The following RGS6 variants were observed in gnomAD, a reference collection of about 807,000 sequenced individuals.
RGS6 encodes regulator of G-protein signaling 6.
In RGS6, 30 loss-of-function variants were observed where a neutral mutation model predicts 78.5. The ratio of observed to expected loss-of-function variants is 0.38; its 90% CI spans 0.29 to 0.52. The LOEUF (loss-of-function observed/expected upper bound fraction) is 0.52. RGS6 is among the 20% of genes least tolerant of loss of function. The pLI, the probability that RGS6 is intolerant of heterozygous loss-of-function variation, is 0.85. For synonymous variants in RGS6, 206 were observed against 206.0 expected (o/e 1.00, Z 0.00); for missense variants, 495 against 609.7 (o/e 0.81, Z 1.98).
At chr14:72,244,355 C>G (rs1808511341) in intron 2 of RGS6, among the ~76,000 whole-genome samples, 1 of 151,778 alleles carries the variant, frequency 6.6e-6, no homozygotes, top group African/African-American at 2.4e-5. Context: ...GAACAGCCCA[C>G]ACTTTCTACT....
At chr14:71,913,617 C>T in the RGS6 span, among the ~76,000 whole-genome samples, 1 of 152,210 alleles carries the variant, frequency 6.6e-6, no homozygotes, top group South Asian at 2.1e-4. Flanking sequence ...ACATGCAACC[C>T]ACTCTGTTCT....
chr14:72,363,403 T>C lies in RGS6; in HGVS notation c.184+11209T>C, dbSNP rs370993812. On this transcript the variant is annotated intron_variant, in intron 3 of 17. Transcript: ENST00000553525. ...ACAGCCACGCATCATTAAATACTTATAAAAACCCCATGAGATAGAAACCGT... is the reference window on the plus strand; with the variant it reads ...ACAGCCACGCATCATTAAATACTTACAAAAACCCCATGAGATAGAAACCGT... 3.5e-4 allele frequency among the ~76,000 whole-genome samples: 53 copies of C among 152,340 alleles called. No individual in the cohort carries two copies. In the South Asian group the frequency reaches 0.01, roughly 29 times the overall value.
rs754555289 is a variant in RGS6, at chr14:72,173,373, A to G, written c.85-178722A>G. ...TAGACTTTCCCGAGTGGGCATGGAA[A>G]GGTAAACTCAACTCCCTTTCTGCAC... On this transcript the variant is annotated intron_variant, in intron 2 of 17. Coordinates refer to ENST00000553525, the MANE Select transcript of RGS6 (RefSeq NM_001204424.2). Among the ~76,000 whole-genome samples the G allele has an allele frequency of 2.6e-5, 4 of 152,176 alleles. No homozygotes were observed. In the East Asian group the frequency reaches 7.7e-4, roughly 29 times the overall value.
intron 2 of RGS6, among the ~76,000 whole-genome samples, chr14:72,068,139 T>G (rs1304864840): frequency 7.2e-6 from 1 of 139,328 alleles, no homozygotes; most frequent in Non-Finnish European, 1.6e-5. Context: ...ATGTATGTAT[T>G]TTTTTTTTTT....
chr14:72,578,720 A>C, the RGS6 span, among the ~76,000 whole-genome samples: 1 of 152,240 alleles, frequency 6.6e-6, no homozygotes, highest in Non-Finnish European at 1.5e-5. Flanking sequence ...GAAAAGTGCC[A>C]AAGTAAAAGG....
intron 13 of RGS6, among the ~76,000 whole-genome samples, chr14:72,503,214 G>A (rs1418245898): frequency 6.6e-6 from 1 of 152,010 alleles, no homozygotes; most frequent in East Asian, 1.9e-4. Context: ...CCTCCCAAAG[G>A]CTTCACCTCC....
At chr14:72,254,033 G>A (rs181778923) in intron 2 of RGS6, among the ~76,000 whole-genome samples, 4 of 152,260 alleles carry the variant, frequency 2.6e-5, no homozygotes, top group South Asian at 4.2e-4. Context: ...TTTACTTAAC[G>A]ATGATGTTTT....
At chr14:72,112,620 AT>A (rs1481758830) in intron 2 of RGS6, among the ~76,000 whole-genome samples, 3 of 152,220 alleles carry the variant, frequency 2.0e-5, no homozygotes, top group Non-Finnish European at 4.4e-5. Flanking sequence ...TGAACTAATC[AT>A]TTTACAGGCA....
At chr14:71,894,644 GT>G in the RGS6 span, among the ~76,000 whole-genome samples, 1 of 152,102 alleles carries the variant, frequency 6.6e-6, no homozygotes, top group African/African-American at 2.4e-5. Flanking sequence ...CCCCTTTCCT[GT>G]GACAAGATCA....
intron 4 of RGS6, 107 bp from the exon 5 acceptor site, chr14:72,458,164 C>T (rs1251071647): frequency 2.4e-6 from 2 of 822,568 alleles, no homozygotes; most frequent in African/African-American, 3.4e-5. Flanking sequence ...GTATCATCAA[C>T]ACAGACATCT....
intron 1 of RGS6, among the ~76,000 whole-genome samples, chr14:71,948,710 G>GCTAAGCTGAT (rs1189142953): frequency 1.5e-5 from 2 of 135,756 alleles, no homozygotes; most frequent in Non-Finnish European, 3.1e-5. Flanking sequence ...ATTGGTAACT[G>GCTAAGCTGAT]CTAAGCTGAT....
rs1034566888 is a variant in RGS6, at chr14:71,932,443, G to C, written c.-519G>C. ...GCCGCGGAGCTGAACGGCTTCGCGA[G>C]TTGGGGCAGCTCCTCGCGCTCGGCC... is the stretch of plus-strand genomic sequence containing the variant. On this transcript the variant is annotated 5_prime_UTR_variant, in exon 1 of 18. Coordinates refer to ENST00000553525, the MANE Select transcript of RGS6 (RefSeq NM_001204424.2). 2 of 151,628 alleles carry C rather than the reference G, an allele frequency of 1.3e-5. No homozygotes were observed. Among genetic ancestry groups the C allele is most frequent in the African/African-American group, 4.8e-5 (2 of 41,380 alleles). The allele number at this position is 151,628 out of a possible 1,614,324, so 9.4% of individuals were successfully genotyped here.
intron 2 of RGS6, among the ~76,000 whole-genome samples, chr14:71,969,865 G>A (rs947666234): frequency 5.9e-5 from 9 of 152,066 alleles, no homozygotes; most frequent in Non-Finnish European, 1.2e-4. Flanking sequence ...TTGATCTTTC[G>A]TAAATTAGTA....
intron 2 of RGS6, among the ~76,000 whole-genome samples, chr14:72,341,538 G>A (rs1278298132): frequency 6.6e-6 from 1 of 152,204 alleles, no homozygotes; most frequent in East Asian, 1.9e-4. Flanking sequence ...CAAGGATTTG[G>A]ATGTGTTTGT....
intron 3 of RGS6, among the ~76,000 whole-genome samples, chr14:72,410,212 C>T (rs2093302758): frequency 6.6e-6 from 1 of 152,200 alleles, no homozygotes; most frequent in South Asian, 2.1e-4. Flanking sequence ...TCTCCACATC[C>T]TCTCCAGCAC....
At chr14:72,540,245 G>T in intron 17 of RGS6, 151 bp downstream of exon 17, 1 of 1,539,576 alleles carries the variant, frequency 6.5e-7, no homozygotes, top group Non-Finnish European at 8.6e-7. Flanking sequence ...CTTTTCTTTT[G>T]CGAGTGTCTG....
the RGS6 span, among the ~76,000 whole-genome samples, chr14:72,583,537 T>A: frequency 6.7e-6 from 1 of 149,664 alleles, no homozygotes; most frequent in East Asian, 2.0e-4. Flanking sequence ...TCAGCGTAGA[T>A]CAATGGGAGT....
intron 2 of RGS6, among the ~76,000 whole-genome samples, chr14:72,003,109 G>C (rs2083804357): frequency 6.6e-6 from 1 of 152,180 alleles, no homozygotes; most frequent in African/African-American, 2.4e-5. Flanking sequence ...GAGACAATGA[G>C]TGAAAGAGAA....
At chr14:72,484,675 T>G (rs1472013121) in intron 12 of RGS6, among the ~76,000 whole-genome samples, 1 of 152,196 alleles carries the variant, frequency 6.6e-6, no homozygotes, top group Non-Finnish European at 1.5e-5. Context: ...AAATTCTCTT[T>G]CATTATTTCC....
Sources: gnomAD v4.1 joint callset for allele counts (sites outside exome capture counted in the v4.1 genomes callset) on GRCh38, gnomAD v4.1.1 for gene constraint, MANE v1.5 for transcripts, NCBI Gene and HGNC (gene_info 2026-07-23, HGNC 2026-07-21) for gene names.